The following SHANK2 variants were observed in gnomAD, a reference collection of about 807,000 sequenced individuals.
The protein encoded by SHANK2 is SH3 and multiple ankyrin repeat domains protein 2.
A neutral mutation model predicts 133.7 loss-of-function variants in SHANK2; 43 were observed. That is an observed-to-expected ratio of 0.32 (90% CI 0.25 to 0.41). The LOEUF is 0.41. SHANK2 is among the 10% of genes least tolerant of loss of function. SHANK2 has a pLI of 1.00. For missense variants in SHANK2, 1,994 were observed against 2,235.8 expected (o/e 0.89, Z 2.18); for synonymous variants, 1,017 against 952.8 (o/e 1.07, Z -1.24).
chr11:70,912,034 A>C (rs1950198364), intron 10 of SHANK2, among the ~76,000 whole-genome samples: 1 of 142,562 alleles, frequency 7.0e-6, no homozygotes, highest in Non-Finnish European at 1.5e-5. Flanking sequence ...GAGAGCTGAG[A>C]TTGGACCACT....
chr11:71,122,704 G>A lies in SHANK2; in HGVS notation c.208-3672C>T, dbSNP rs80007208. ...ATCATGCACACGGGGAGACGACCACGTGAATGGGAAGGCAGAGACTGGTGT... is the reference window on the plus strand; with the variant it reads ...ATCATGCACACGGGGAGACGACCACATGAATGGGAAGGCAGAGACTGGTGT... On this transcript the variant is annotated intron_variant, in intron 3 of 25. Transcript: ENST00000601538. Among the ~76,000 whole-genome samples, 772 of 152,274 alleles carry A rather than the reference G, an allele frequency of 5.1e-3. 4 individuals are homozygous for A. Among genetic ancestry groups the A allele is most frequent in the African/African-American group, 0.018 (748 of 41,570 alleles).
chr11:71,108,022 A>G, intron 6 of SHANK2, among the ~76,000 whole-genome samples: 1 of 152,206 alleles, frequency 6.6e-6, no homozygotes, highest in South Asian at 2.1e-4. Context: ...ATGAAGACAT[A>G]AGTGGCTCTG....
chr11:70,580,284 T>C lies in SHANK2; in HGVS notation c.2062-77353A>G, dbSNP rs180774411. 3.3e-3 allele frequency among the ~76,000 whole-genome samples: 482 copies of C among 145,050 alleles called. 2 individuals carry two copies. The highest frequency in any genetic ancestry group is 4.2e-3 in the Non-Finnish European group (276 of 65,992). On this transcript the variant is annotated intron_variant, in intron 17 of 25. Transcript: ENST00000601538. Reference sequence around the variant, plus strand: ...TGAGGCACAGCGCAGCCTTACTGGCTACATTTTGCAACTGAAGACCCTGTA... The same window carrying C: ...TGAGGCACAGCGCAGCCTTACTGGCCACATTTTGCAACTGAAGACCCTGTA...
At chr11:70,563,380 T>C (rs2059931633) in intron 17 of SHANK2, among the ~76,000 whole-genome samples, 1 of 152,240 alleles carries the variant, frequency 6.6e-6, no homozygotes, top group African/African-American at 2.4e-5. Flanking sequence ...TGTGCCATTG[T>C]TGTCACACCT....
chr11:70,719,267 G>A (rs868910302), intron 14 of SHANK2, among the ~76,000 whole-genome samples: 4 of 152,242 alleles, frequency 2.6e-5, no homozygotes, highest in Non-Finnish European at 5.9e-5. Flanking sequence ...GATGAGAAGC[G>A]TGGACCTGGA....
At chr11:70,620,638 C>T (rs561849937) in intron 17 of SHANK2, among the ~76,000 whole-genome samples, 11 of 152,058 alleles carry the variant, frequency 7.2e-5, no homozygotes, top group South Asian at 2.1e-4. Context: ...TGTCTGTATC[C>T]CCCCAAGTTC....
chr11:70,815,175 AACACACAC>A (rs61610592), intron 12 of SHANK2, among the ~76,000 whole-genome samples: 12,887 of 119,282 alleles, frequency 0.11, 836 homozygotes, highest in Admixed American at 0.13. Flanking sequence ...TGGGAGAAGA[AACACACAC>A]ACACACACAC....
chr11:70,545,567 G>C (rs1415228459), intron 17 of SHANK2, among the ~76,000 whole-genome samples: 1 of 152,226 alleles, frequency 6.6e-6, no homozygotes, highest in Admixed American at 6.5e-5. Flanking sequence ...TAAGGCCACT[G>C]GGACGGGATA....
At chr11:70,770,139 T>C (rs1947215748) in intron 14 of SHANK2, among the ~76,000 whole-genome samples, 1 of 152,198 alleles carries the variant, frequency 6.6e-6, no homozygotes, top group Non-Finnish European at 1.5e-5. Flanking sequence ...CAGCTGAGTA[T>C]GTGGGTCAGA....
chr11:71,235,036 G>A (rs1328075185), intron 1 of SHANK2, among the ~76,000 whole-genome samples: 2 of 152,120 alleles, frequency 1.3e-5, no homozygotes, highest in African/African-American at 4.8e-5. Context: ...GCTACAACAC[G>A]AATCATCCTC....
At chr11:71,075,771 C>T (rs1169581054) in intron 8 of SHANK2, among the ~76,000 whole-genome samples, 15 of 152,266 alleles carry the variant, frequency 9.9e-5, no homozygotes, top group Non-Finnish European at 1.5e-4. Context: ...CTTCGACGTG[C>T]GACGGACGGC....
intron 17 of SHANK2, among the ~76,000 whole-genome samples, chr11:70,546,496 A>G (rs1424354774): frequency 1.3e-5 from 2 of 152,154 alleles, no homozygotes; most frequent in Admixed American, 6.5e-5. Flanking sequence ...AGAGACCCCA[A>G]TGCATGCTTT....
intron 10 of SHANK2, among the ~76,000 whole-genome samples, chr11:70,955,182 C>A (rs1169864108): frequency 6.6e-6 from 1 of 152,196 alleles, no homozygotes; most frequent in Non-Finnish European, 1.5e-5. Context: ...TTTCTCCACC[C>A]TTTCTTTGCT....
intron 17 of SHANK2, among the ~76,000 whole-genome samples, chr11:70,611,337 G>A (rs1357897785): frequency 1.3e-5 from 2 of 152,208 alleles, no homozygotes; most frequent in Non-Finnish European, 1.5e-5. Context: ...GTGAGGCGGG[G>A]CCAGCAGCCT....
chr11:70,838,125 A>G (rs1368957310), intron 11 of SHANK2, among the ~76,000 whole-genome samples: 3 of 151,846 alleles, frequency 2.0e-5, no homozygotes, highest in Non-Finnish European at 4.4e-5. Flanking sequence ...ATGTCTTCCC[A>G]CCATGAACAC....
intron 14 of SHANK2, among the ~76,000 whole-genome samples, chr11:70,734,760 T>C (rs1004559388): frequency 1.3e-5 from 2 of 152,082 alleles, no homozygotes; most frequent in African/African-American, 2.4e-5. Flanking sequence ...GACCAGCCAG[T>C]GTTACATAGC....
At position 71,237,243 on chromosome 11, in the gene SHANK2, G is replaced by T. The variant is rs80014083; in HGVS notation, c.-112-12447C>A. Among the ~76,000 whole-genome samples, 1,136 of 152,304 alleles carry T rather than the reference G, an allele frequency of 7.5e-3. 9 individuals are homozygous for T. Among genetic ancestry groups the T allele is most frequent in the African/African-American group, 0.026 (1,070 of 41,562 alleles). On this transcript the variant is annotated intron_variant, in intron 1 of 25. Transcript: ENST00000601538. ...AGGACTGAGTCCAGGGACTGAGCCCGGCTGTAGTGGGCAACTTGCAGAACC... is the reference window on the plus strand; with the variant it reads ...AGGACTGAGTCCAGGGACTGAGCCCTGCTGTAGTGGGCAACTTGCAGAACC...
chr11:70,691,563 A>G (rs782790802), intron 15 of SHANK2, among the ~76,000 whole-genome samples: 1 of 152,218 alleles, frequency 6.6e-6, no homozygotes, highest in Non-Finnish European at 1.5e-5. Context: ...CTGTTTCAAA[A>G]AACTACAAAA....
At chr11:70,503,939 C>G (rs1364632857) in intron 17 of SHANK2, among the ~76,000 whole-genome samples, 1 of 152,206 alleles carries the variant, frequency 6.6e-6, no homozygotes, top group Non-Finnish European at 1.5e-5. Flanking sequence ...TGAAAAGGCC[C>G]CGGCCTCACC....
Sources: gnomAD v4.1 joint callset for allele counts (sites outside exome capture counted in the v4.1 genomes callset) on GRCh38, gnomAD v4.1.1 for gene constraint, MANE v1.5 for transcripts, NCBI Gene and HGNC (gene_info 2026-07-23, HGNC 2026-07-21) for gene names.